UNC79: variants seen among roughly 807,000 people sequenced by gnomAD.
UNC79 encodes the protein protein unc-79 homolog.
A neutral mutation model predicts 283.1 loss-of-function variants in UNC79; 37 were observed. The ratio of observed to expected loss-of-function variants is 0.13; its 90% CI spans 0.10 to 0.17. The LOEUF is 0.17. Ranked by LOEUF, UNC79 falls within the 10% of genes least tolerant of loss-of-function variation. The probability of loss-of-function intolerance (pLI) is 1.00; values close to 1 mark genes in which losing one functional copy is unlikely to be tolerated. For synonymous variants in UNC79, 1,107 were observed against 1,200.2 expected, an observed-to-expected ratio of 0.92 and a Z score of 1.61; for missense variants, 2,272 against 3,211.1, an observed-to-expected ratio of 0.71 and a Z score of 7.07.
intron 33 of UNC79, among the ~76,000 whole-genome samples, chr14:93,642,152 C>T (rs188015274): frequency 7.9e-5 from 12 of 152,122 alleles, no homozygotes; most frequent in African/African-American, 1.4e-4. Context: ...GGGCCAGGCG[C>T]GGTGGCTCAT....
intron 30 of UNC79, among the ~76,000 whole-genome samples, chr14:93,628,194 G>A (rs1373964665): frequency 2.6e-5 from 4 of 152,100 alleles, no homozygotes; most frequent in African/African-American, 9.7e-5. Flanking sequence ...TTAAATTCCT[G>A]CAAAGCCCTA....
chr14:93,484,645 A>G (rs2058320948), intron 4 of UNC79, among the ~76,000 whole-genome samples: 1 of 152,168 alleles, frequency 6.6e-6, no homozygotes, highest in Admixed American at 6.5e-5. Context: ...ATTTTGATTA[A>G]TTATCTTCTC....
intron 30 of UNC79, among the ~76,000 whole-genome samples, chr14:93,624,358 A>G (rs1319479799): frequency 1.3e-5 from 2 of 152,226 alleles, no homozygotes; most frequent in Non-Finnish European, 2.9e-5. Flanking sequence ...GAAGTTAAGA[A>G]GGCTTTCAGG....
At chr14:93,460,156 G>A (rs1224953741) in intron 1 of UNC79, among the ~76,000 whole-genome samples, 2 of 124,624 alleles carry the variant, frequency 1.6e-5, no homozygotes, top group South Asian at 3.0e-4. Context: ...GTGAAACCCC[G>A]TCTCGCCACT....
chr14:93,578,174 C>A, intron 18 of UNC79, 111 bp downstream of exon 18: 1 of 1,080,336 alleles, frequency 9.3e-7, no homozygotes, highest in Non-Finnish European at 1.3e-6. Context: ...AATGATTCAG[C>A]ATCACCCAAG....
Position 93,691,783 on chromosome 14 carries a change from C to T in UNC79, c.7307C>T (p.Ala2436Val), listed in dbSNP as rs140644512. Residue 2436 changes from alanine to valine, a missense_variant, in exon 46 of 49, where the codon GCG (alanine) becomes GTG (valine). Transcript: ENST00000555664. ...CTGCACATGTGCTCCCTCTTCCACGCGTTCATCTTTGCTCAGCTGTGGACA... is the reference window on the plus strand; with the variant it reads ...CTGCACATGTGCTCCCTCTTCCACGTGTTCATCTTTGCTCAGCTGTGGACA... 25 of 1,614,084 alleles carry T rather than the reference C, an allele frequency of 1.5e-5. No homozygotes were observed. The highest frequency in any genetic ancestry group is 1.7e-5 in the Non-Finnish European group (20 of 1,180,044).
intron 47 of UNC79, among the ~76,000 whole-genome samples, chr14:93,702,235 A>G (rs1203145938): frequency 1.3e-5 from 2 of 152,170 alleles, no homozygotes; most frequent in Admixed American, 6.5e-5. Flanking sequence ...TCTGGTACCA[A>G]TCTTTGTAAT....
intron 7 of UNC79, among the ~76,000 whole-genome samples, chr14:93,516,977 G>C (rs1369711833): frequency 3.3e-5 from 5 of 151,894 alleles, no homozygotes; most frequent in Admixed American, 6.6e-5. Flanking sequence ...ATTATAAATA[G>C]TGTTTAAAAA....
chr14:93,439,235 C>G lies in UNC79; in HGVS notation c.22+8184C>G, dbSNP rs575027934. Among the ~76,000 whole-genome samples the G allele has an allele frequency of 1.1e-4, 17 of 152,074 alleles. 1 individual carries two copies. The highest frequency in any genetic ancestry group is 3.4e-4 in the African/African-American group (14 of 41,502). ...TTTCTGATTGCATTGGTCAGTATCT[C>G]CAATACAGTGTGAAATATAGCAGAG... On this transcript the variant is annotated intron_variant, in intron 1 of 48. Transcript: ENST00000555664.
chr14:93,651,758 A>C (rs2070287488), intron 35 of UNC79, among the ~76,000 whole-genome samples: 1 of 151,578 alleles, frequency 6.6e-6, no homozygotes, highest in African/African-American at 2.4e-5. Flanking sequence ...GTTTTTTTTG[A>C]AACAGAGTTT....
At position 93,355,134 on chromosome 14, in the gene UNC79, A is replaced by G. The variant is rs1324299826; in HGVS notation, c.-351+21611A>G. The stretch of plus-strand genomic sequence containing the variant: ...AACCTCCTCCTCCTGGGTTCAAGCA[A>G]TTCTCCTGCCTCAGCCTCCTGAGTA... On this transcript the variant is annotated intron_variant, in intron 1 of 49. Coordinates refer to the UNC79 transcript ENST00000256339. 5.3e-5 allele frequency among the ~76,000 whole-genome samples: 8 copies of G among 151,686 alleles called. 1 individual carries two copies. Among genetic ancestry groups the G allele is most frequent in the Non-Finnish European group, 1.0e-4 (7 of 67,950 alleles).
chr14:93,576,381 A>C (rs1007353181), intron 17 of UNC79, among the ~76,000 whole-genome samples: 1 of 152,186 alleles, frequency 6.6e-6, no homozygotes, highest in South Asian at 2.1e-4. Context: ...GCATCATGCA[A>C]TATAACTTTG....
chr14:93,497,000 G>A (rs572296415), intron 6 of UNC79, among the ~76,000 whole-genome samples, 157 bp from the exon 7 acceptor site: 7 of 152,252 alleles, frequency 4.6e-5, no homozygotes, highest in African/African-American at 1.7e-4. Context: ...ATGTTTTGAC[G>A]TGATCTAATC....
intron 14 of UNC79, among the ~76,000 whole-genome samples, chr14:93,566,607 C>T (rs1203146655): frequency 6.7e-6 from 1 of 149,738 alleles, no homozygotes; most frequent in Non-Finnish European, 1.5e-5. Context: ...AACCTTGGTT[C>T]GATTTTGGAT....
At chr14:93,377,319 C>T (rs1001195279) in intron 1 of UNC79, among the ~76,000 whole-genome samples, 3 of 152,068 alleles carry the variant, frequency 2.0e-5, no homozygotes, top group African/African-American at 7.2e-5. Context: ...TGGTCTTGAT[C>T]TCCTAACCTC....
At chr14:93,426,708 A>G (rs1248329460), upstream of UNC79, among the ~76,000 whole-genome samples, 1 of 151,962 alleles carries the variant, frequency 6.6e-6, no homozygotes, top group Non-Finnish European at 1.5e-5. Flanking sequence ...AAAATTTCCA[A>G]TGGTTTTTTA....
exon 43 of UNC79, chr14:93,686,653 A>C: frequency 6.2e-7 from 1 of 1,614,104 alleles, no homozygotes; most frequent in Non-Finnish European, 8.5e-7. Context: ...CACGCTGACC[A>C]AACTGAAGGT....
At chr14:93,532,610 T>C in intron 11 of UNC79, 32 bp downstream of exon 11, 1 of 1,607,464 alleles carries the variant, frequency 6.2e-7, no homozygotes, top group Non-Finnish European at 8.5e-7. Context: ...CGTTGGGGCA[T>C]GATTTATTGT....
exon 46 of UNC79, chr14:93,691,860 T>C: frequency 6.2e-7 from 1 of 1,614,194 alleles, no homozygotes; most frequent in Non-Finnish European, 8.5e-7. Context: ...TCAGAATGAA[T>C]TCAGCTTCAC....
Sources: allele counts gnomAD v4.1 joint callset (sites outside exome capture counted in the v4.1 genomes callset), GRCh38; gene constraint gnomAD v4.1.1; transcripts MANE v1.5; gene names NCBI Gene and HGNC (gene_info 2026-07-23, HGNC 2026-07-21).